Variants in BCAS3 observed in about 807,000 individuals in gnomAD.
The protein encoded by BCAS3 is BCAS3 microtubule associated cell migration factor, also known as BCAS4/BCAS3 fusion.
A neutral mutation model predicts 116.1 loss-of-function variants in BCAS3; 53 were observed. The observed-to-expected ratio is 0.46, with a 90% confidence interval of 0.37 to 0.57. BCAS3 has a LOEUF of 0.57. Among genes scored for constraint, BCAS3 ranks in the 20% least tolerant of loss-of-function variants. The pLI is 0.00. For missense variants in BCAS3, 917 were observed against 1,165.4 expected (o/e 0.79, Z 3.10); for synonymous variants, 391 against 408.2 (o/e 0.96, Z 0.51).
intron 22 of BCAS3, among the ~76,000 whole-genome samples, chr17:61,150,430 T>C (rs2077482363): frequency 6.6e-6 from 1 of 152,214 alleles, no homozygotes; most frequent in Admixed American, 6.5e-5. Context: ...TATTTATGAC[T>C]TACTGAAGTA....
At position 61,034,914 on chromosome 17, in the gene BCAS3, A is replaced by T; in HGVS notation, c.1762+124A>T. The stretch of plus-strand genomic sequence containing the variant: ...TCTGGAAACCAATTTTTTTAATGTA[A>T]TTAGCATGTCACTTCTCAACTACTC... On this transcript the variant is annotated intron_variant, in intron 17 of 23. Coordinates refer to ENST00000407086, the MANE Select transcript of BCAS3 (RefSeq NM_017679.5). The surrounding 1 kb of genome is among the most constrained non-coding windows in gnomAD (Gnocchi z 5.0). The T allele has an allele frequency of 1.2e-6, 1 of 855,898 alleles. No homozygotes were observed. The highest frequency in any genetic ancestry group is 1.8e-6 in the Non-Finnish European group (1 of 561,398). The allele number at this position is 855,898 out of a possible 1,614,324, so 53.0% of individuals were successfully genotyped here.
rs1194535997 is a variant in BCAS3, at chr17:61,004,348, T to G, written c.1487-11403T>G. Among the ~76,000 whole-genome samples, 2 of 151,912 alleles carry G rather than the reference T, an allele frequency of 1.3e-5. No homozygotes were observed. Among genetic ancestry groups the G allele is most frequent in the South Asian group, 2.1e-4 (1 of 4,816 alleles). On this transcript the variant is annotated intron_variant, in intron 15 of 23. Transcript: ENST00000407086. The surrounding 1 kb of genome is among the most constrained non-coding windows in gnomAD (Gnocchi z 4.8). The stretch of plus-strand genomic sequence containing the variant: ...GAATGTTCATTTCCTTATGTACTTA[T>G]CAAAAGGAAGATCTGAAATGTTTTT...
At chr17:61,273,979 T>TA (rs2050543466) in intron 22 of BCAS3, among the ~76,000 whole-genome samples, 2 of 151,234 alleles carry the variant, frequency 1.3e-5, no homozygotes, top group Non-Finnish European at 2.9e-5. Context: ...ATTATTATAC[T>TA]TTAAGTTTTA....
chr17:61,236,665 G>C (rs12948459), intron 22 of BCAS3, among the ~76,000 whole-genome samples: 37,834 of 151,820 alleles, frequency 0.25, 5,026 homozygotes, highest in Middle Eastern at 0.34. Context: ...CCCTGTGTTA[G>C]TACTCTACTT....
chr17:60,836,538 T>C (rs1335697585), intron 7 of BCAS3, among the ~76,000 whole-genome samples: 1 of 152,044 alleles, frequency 6.6e-6, no homozygotes, highest in Non-Finnish European at 1.5e-5. Context: ...TATCTCCACA[T>C]AGTTAAAAAA....
At chr17:60,919,844 T>C (rs1466058358) in intron 12 of BCAS3, among the ~76,000 whole-genome samples, 4 of 152,156 alleles carry the variant, frequency 2.6e-5, no homozygotes, top group African/African-American at 7.2e-5. Context: ...ATGCATATTG[T>C]AATCCCTCCA....
chr17:61,177,144 A>G (rs770302990), intron 22 of BCAS3, among the ~76,000 whole-genome samples: 1 of 152,232 alleles, frequency 6.6e-6, no homozygotes, highest in Non-Finnish European at 1.5e-5. Context: ...ACTCCTTGCT[A>G]GTTTCTTAAA....
intron 19 of BCAS3, among the ~76,000 whole-genome samples, chr17:61,045,972 A>AT (rs2068154123): frequency 1.2e-3 from 13 of 11,074 alleles, no homozygotes; most frequent in Non-Finnish European, 1.3e-3. Flanking sequence ...TATAATATAT[A>AT]TATATTATAT....
At chr17:60,686,058 C>T (rs1437782610) in intron 3 of BCAS3, among the ~76,000 whole-genome samples, 2 of 151,742 alleles carry the variant, frequency 1.3e-5, no homozygotes, top group South Asian at 2.1e-4. Flanking sequence ...TTAGTAGAGA[C>T]GGGGTTTCAC....
chr17:60,743,163 T>A (rs1453216903), intron 5 of BCAS3, among the ~76,000 whole-genome samples: 1 of 151,328 alleles, frequency 6.6e-6, no homozygotes, highest in African/African-American at 2.4e-5. Flanking sequence ...GAAATCTATA[T>A]AGCAATACAT....
intron 8 of BCAS3, among the ~76,000 whole-genome samples, 185 bp downstream of exon 8, chr17:60,868,868 T>C (rs745740251): frequency 6.6e-6 from 1 of 152,234 alleles, no homozygotes; most frequent in Non-Finnish European, 1.5e-5. Context: ...ACTTCTAGTC[T>C]TGATCCATTA....
rs201061353 is a variant in BCAS3, at chr17:61,074,967, G to A, written c.2077G>A (p.Asp693Asn). 7.1e-5 allele frequency: 114 copies of A among 1,613,576 alleles called. 1 individual carries two copies. The Middle Eastern group carries it at 2.1e-3, about 30-fold the overall frequency. The change falls in exon 20 of 24, where the codon GAC becomes AAC. Residue 693 changes from aspartate (D) to asparagine (N), a missense_variant. By Grantham distance (23) the Asp-to-Asn change is conservative. Coordinates refer to ENST00000407086, the MANE Select transcript of BCAS3 (RefSeq NM_017679.5). ...GCCCATTACTCGACATGGGTCTTAC[G>A]ACAGTTTAGCTTCTGACCATAGTGG... ...PGPITRHGSY[D>N]SLASDHSGQE... is the part of the protein sequence containing the mutation.
At position 61,124,622 on chromosome 17, in the gene BCAS3, T is replaced by C. The variant is rs2075963888; in HGVS notation, c.2425+40058T>C. ...TTTTCACTATTTTTCCCTAGTGAGT[T>C]ATGTAGTTAATCATATTAAACTGTT... is the stretch of plus-strand genomic sequence containing the variant. On this transcript the variant is annotated intron_variant, in intron 22 of 23. Coordinates refer to ENST00000407086, the MANE Select transcript of BCAS3 (RefSeq NM_017679.5). This position sits in a 1 kb window ranked among gnomAD's most constrained non-coding sequence, Gnocchi z 4.6. 6.6e-6 allele frequency among the ~76,000 whole-genome samples: 1 copy of C among 152,178 alleles called. No individual in the cohort carries two copies. The highest frequency in any genetic ancestry group is 2.4e-5 in the African/African-American group (1 of 41,446).
chr17:60,943,569 C>G (rs1344496781), intron 13 of BCAS3, among the ~76,000 whole-genome samples: 1 of 152,034 alleles, frequency 6.6e-6, no homozygotes, highest in Non-Finnish European at 1.5e-5. Context: ...ATTTAGGAAG[C>G]TGATATAACT....
At chr17:61,035,900 A>G (rs1845735019) in intron 17 of BCAS3, among the ~76,000 whole-genome samples, 1 of 152,206 alleles carries the variant, frequency 6.6e-6, no homozygotes, top group Non-Finnish European at 1.5e-5. Context: ...TTACCACGCT[A>G]TTCAGTCTGC....
In BCAS3 at chr17:61,188,833, G is replaced by A. The variant is rs1440826586; in HGVS notation, c.2425+104269G>A. Among the ~76,000 whole-genome samples, 3 of 152,204 alleles carry A rather than the reference G, an allele frequency of 2.0e-5. No homozygotes were observed. The highest frequency in any genetic ancestry group is 4.8e-5 in the African/African-American group (2 of 41,458). On this transcript the variant is annotated intron_variant, in intron 22 of 23. Transcript: ENST00000407086. The surrounding 1 kb of genome is among the most constrained non-coding windows in gnomAD (Gnocchi z 4.0). ...TTCAGTAAAGAATGGCATACTTGCC[G>A]GGCATGGTGGCTCATGCCTATAATC... is the stretch of plus-strand genomic sequence containing the variant.
intron 15 of BCAS3, among the ~76,000 whole-genome samples, chr17:61,005,226 T>G (rs1202955996): frequency 6.6e-6 from 1 of 152,092 alleles, no homozygotes; most frequent in Admixed American, 6.6e-5. Flanking sequence ...AAAAGTAAAT[T>G]TAGAAGAGAA....
Position 61,204,468 on chromosome 17 carries a change from A to G in BCAS3, c.2425+119904A>G, listed in dbSNP as rs980482737. Among the ~76,000 whole-genome samples, 2 of 152,176 alleles carry G rather than the reference A, an allele frequency of 1.3e-5. No homozygotes were observed. The highest frequency in any genetic ancestry group is 4.8e-5 in the African/African-American group (2 of 41,450). ...TATTTGACTGCGCATTATGTGAAAAATTGAATTTGGGAAACATTGAGTGGA... is the reference window on the plus strand; with the variant it reads ...TATTTGACTGCGCATTATGTGAAAAGTTGAATTTGGGAAACATTGAGTGGA... On this transcript the variant is annotated intron_variant, in intron 22 of 23. Transcript: ENST00000407086. The surrounding 1 kb of genome is among the most constrained non-coding windows in gnomAD (Gnocchi z 4.2).
intron 22 of BCAS3, among the ~76,000 whole-genome samples, chr17:61,273,913 CT>C (rs902690123): frequency 4.0e-4 from 57 of 141,378 alleles, no homozygotes; most frequent in Middle Eastern, 3.7e-3. Flanking sequence ...TATCTTCATT[CT>C]TTTTTTTTTC....
Sources: allele counts gnomAD v4.1 joint callset (sites outside exome capture counted in the v4.1 genomes callset), GRCh38; gene constraint gnomAD v4.1.1; non-coding constraint Gnocchi (gnomAD v3.1); transcripts MANE v1.5; gene names NCBI Gene and HGNC (gene_info 2026-07-23, HGNC 2026-07-21).